The following POLR1A variants were observed in gnomAD, a reference collection of about 807,000 sequenced individuals.
The protein encoded by POLR1A is DNA-directed RNA polymerase I subunit RPA1.
Under a neutral mutation model 205.3 loss-of-function variants are expected in POLR1A, and 84 were observed. The ratio of observed to expected loss-of-function variants is 0.41; its 90% CI spans 0.34 to 0.49. The LOEUF (loss-of-function observed/expected upper bound fraction) is 0.49, where lower values mean the gene tolerates loss of function less well. POLR1A is among the 20% of genes least tolerant of loss of function. The pLI is 0.22. For synonymous variants in POLR1A, 799 were observed against 863.7 expected (o/e 0.93, Z 1.31); for missense variants, 1,645 against 2,204.5 (o/e 0.75, Z 5.08).
rs1442770279 is a variant in POLR1A at position 86,028,793 on chromosome 2, T to C, written c.4780-82A>G. 2 of 984,850 alleles carry C rather than the reference T, an allele frequency of 2.0e-6. No homozygotes were observed. Among genetic ancestry groups the C allele is most frequent in the Admixed American group, 2.0e-5 (1 of 51,250 alleles). The allele number at this position is 984,850 out of a possible 1,614,324, so 61.0% of individuals were successfully genotyped here. ...CCTGCGTATCTCCCCCTGGCCGCTCTCTCTCTCCTTGTGTCTGGCAGCTCG... is the reference window on the plus strand; with the variant it reads ...CCTGCGTATCTCCCCCTGGCCGCTCCCTCTCTCCTTGTGTCTGGCAGCTCG... On this transcript the variant is annotated intron_variant, in intron 31 of 33. Coordinates refer to ENST00000263857, the MANE Select transcript of POLR1A (RefSeq NM_015425.6). The surrounding 1 kb of genome is among the most constrained non-coding windows in gnomAD (Gnocchi z 4.5).
Position 86,067,911 on chromosome 2 carries a change from A to T in POLR1A, c.1866+2107T>A, listed in dbSNP as rs541687812. On this transcript the variant is annotated intron_variant, in intron 13 of 33. Coordinates refer to ENST00000263857, the MANE Select transcript of POLR1A (RefSeq NM_015425.6). ...TGAATGAAAGTACAGTGAATCTTCA[A>T]GCCATCTCCCATAAGCTTTTTTCAA... is the stretch of plus-strand genomic sequence containing the variant. Among the ~76,000 whole-genome samples, 4 of 152,352 alleles carry T rather than the reference A, an allele frequency of 2.6e-5. No homozygotes were observed. The East Asian group carries it at 7.7e-4, about 29-fold the overall frequency.
chr2:86,028,512 ACGGT>A lies in POLR1A; in HGVS notation c.4897+78_4897+81del. The A allele has an allele frequency of 1.1e-6, 1 of 948,278 alleles. No homozygotes were observed. Among genetic ancestry groups the A allele is most frequent in the Non-Finnish European group, 1.7e-6 (1 of 577,350 alleles). 58.7% of individuals were successfully genotyped at this position (948,278 alleles called of 1,614,324 possible). A position where few individuals can be genotyped will look rare whatever the true frequency, so the allele number is the denominator to read the frequency against. On this transcript the variant is annotated intron_variant, in intron 32 of 33. Transcript: ENST00000263857. This position sits in a 1 kb window ranked among gnomAD's most constrained non-coding sequence, Gnocchi z 4.5. ...TGGACTGACTCGGTGCTGGACCGAC[ACGGT>A]CCTGACCCTCCTGCCGAGCCTTCTG...
At position 86,032,232 on chromosome 2, in the gene POLR1A, C is replaced by G. The variant is rs773152808; in HGVS notation, c.4272+40G>C. 2.3e-6 allele frequency: 3 copies of G among 1,328,698 alleles called. No individual in the cohort carries two copies. The South Asian group carries it at 3.5e-5, about 16-fold the overall frequency. 82.3% of individuals were successfully genotyped at this position (1,328,698 alleles called of 1,614,324 possible). A position where few individuals can be genotyped will look rare whatever the true frequency, so the allele number is the denominator to read the frequency against. ...CCCTCCAGGTTAACAGGGAAGGGGGCTGGGACCACAGCTCCTTCACCCCAC... is the reference window on the plus strand; with the variant it reads ...CCCTCCAGGTTAACAGGGAAGGGGGGTGGGACCACAGCTCCTTCACCCCAC... On this transcript the variant is annotated intron_variant, in intron 29 of 33. Transcript: ENST00000263857.
At chr2:86,103,644 C>T (rs116274050) in intron 1 of POLR1A, among the ~76,000 whole-genome samples, 238 of 152,270 alleles carry the variant, frequency 1.6e-3, no homozygotes, top group African/African-American at 5.4e-3. Flanking sequence ...CACACTGTTA[C>T]CAATGATACC....
intron 19 of POLR1A, 51 bp from the exon 20 acceptor site, chr2:86,045,820 C>T (rs1434267696): frequency 2.0e-6 from 3 of 1,518,198 alleles, no homozygotes; most frequent in Non-Finnish European, 2.7e-6. Context: ...GTGTGTTTAA[C>T]AGTGCTTTGT....
At chr2:86,090,489 G>C (rs1467653308) in intron 3 of POLR1A, among the ~76,000 whole-genome samples, 1 of 151,938 alleles carries the variant, frequency 6.6e-6, no homozygotes, top group Non-Finnish European at 1.5e-5. Flanking sequence ...GCCAAGATAG[G>C]TTAAAATATT....
rs1333505142 is a variant in POLR1A at position 86,033,671 on chromosome 2, C to T, written c.4151G>A (p.Gly1384Glu). The T allele has an allele frequency of 6.2e-7, 1 of 1,613,354 alleles. No individual in the cohort carries two copies. Among genetic ancestry groups the T allele is most frequent in the South Asian group, 1.1e-5 (1 of 91,052 alleles). Residue 1384 changes from glycine (G) to glutamate (E), a missense_variant, in exon 28 of 34, where the codon GGG becomes GAG. Transcript: ENST00000263857. ...CGGGGACTCACTCACCCGACTCCTC[C>T]CCAACTCCCCAGCGTTGTCCAGATC... is the stretch of plus-strand genomic sequence containing the variant. ...QRDLDNAGEL[G>E]RSRGEQEGDE...
chr2:86,081,522 T>A, intron 8 of POLR1A, 79 bp downstream of exon 8: 1 of 882,000 alleles, frequency 1.1e-6, no homozygotes, highest in Non-Finnish European at 1.8e-6. Context: ...CCTTGGCCCT[T>A]TCACCTCTCC....
At position 86,084,647 on chromosome 2, in the gene POLR1A, C is replaced by T. The variant is rs908110481; in HGVS notation, c.731-1479G>A. 2.0e-5 allele frequency among the ~76,000 whole-genome samples: 3 copies of T among 150,350 alleles called. No individual in the cohort carries two copies. The Admixed American group carries it at 2.0e-4, about 10-fold the overall frequency. ...GCCTAAGATAGTCTACACTTAAAAA[C>T]ACCACTCTTGCCTTTTCCTTTTTTT... On this transcript the variant is annotated intron_variant, in intron 6 of 33. Coordinates refer to ENST00000263857, the MANE Select transcript of POLR1A (RefSeq NM_015425.6).
intron 14 of POLR1A, among the ~76,000 whole-genome samples, chr2:86,056,226 C>T (rs1220391350): frequency 1.3e-5 from 2 of 151,954 alleles, no homozygotes; most frequent in South Asian, 2.1e-4. Flanking sequence ...CCAAGGCAGG[C>T]GGATCACTTA....
intron 16 of POLR1A, among the ~76,000 whole-genome samples, chr2:86,050,803 G>C (rs1455947044): frequency 6.6e-6 from 1 of 152,156 alleles, no homozygotes; most frequent in Non-Finnish European, 1.5e-5. Flanking sequence ...ATTTCATGAG[G>C]TGTAGTCATC....
At position 86,078,268 on chromosome 2, in the gene POLR1A, A is replaced by G. The variant is rs933701245; in HGVS notation, c.1103T>C (p.Ile368Thr). ...PTTDEEKDSL[I>T]AIDRSFLSTL... ...ACTCAAAAAGGATCGGTCAATAGCA[A>G]TCAAAGAGTCTTTTTCCTGGAAGAT... is the stretch of plus-strand genomic sequence containing the variant. Residue 368 changes from isoleucine to threonine, a missense_variant, in exon 10 of 34, where the codon ATT becomes ACT. Physicochemically the swap from Ile to Thr is moderately conservative, Grantham distance 89. Coordinates refer to ENST00000263857, the MANE Select transcript of POLR1A (RefSeq NM_015425.6). 8 of 1,570,948 alleles carry G rather than the reference A, an allele frequency of 5.1e-6. No homozygotes were observed. The African/African-American group carries it at 6.9e-5, about 14-fold the overall frequency.
rs1672302366 is a variant in POLR1A, at chr2:86,027,972, G to A, written c.4975C>T (p.Arg1659Cys). Residue 1659 changes from arginine to cysteine, a missense_variant, in exon 33 of 34, where the codon CGC (arginine) becomes TGC (cysteine). Around this residue, in one of 16 missense-constraint regions of POLR1A, gnomAD observed 86 missense variants for 149.8 expected, o/e 0.57. Coordinates refer to ENST00000263857, the MANE Select transcript of POLR1A (RefSeq NM_015425.6). ...CFEGVYKPLNRFGIRSNSSPL... is the reference protein window; with the variant it reads ...CFEGVYKPLNCFGIRSNSSPL... ...GAAGAGTTTGACCGGATCCCAAAGC[G>A]ATTCAGTGGCTTGTAAACACCCTCG... is the stretch of plus-strand genomic sequence containing the variant. The A allele has an allele frequency of 6.2e-7, 1 of 1,614,208 alleles. No homozygotes were observed. Among genetic ancestry groups the A allele is most frequent in the Non-Finnish European group, 8.5e-7 (1 of 1,180,032 alleles).
chr2:86,025,739 G>A lies in POLR1A; in HGVS notation c.*1684C>T, dbSNP rs1161389768. ...CAGGTTACTTTGTGATCTCCTTCAA[G>A]GACACTCTCACAATTCTAGTGTGTG... On this transcript the variant is annotated 3_prime_UTR_variant, in exon 34 of 34. Transcript: ENST00000263857. 6.6e-6 allele frequency: 1 copy of A among 152,238 alleles called. No individual in the cohort carries two copies. Among genetic ancestry groups the A allele is most frequent in the Non-Finnish European group, 1.5e-5 (1 of 68,038 alleles). 9.4% of individuals were successfully genotyped at this position (152,238 alleles called of 1,614,324 possible).
chr2:86,029,583 G>A (rs944807964), intron 31 of POLR1A, among the ~76,000 whole-genome samples: 2 of 147,276 alleles, frequency 1.4e-5, no homozygotes, highest in Admixed American at 6.9e-5. Flanking sequence ...TACTTCGGGA[G>A]GGTCTTAATT....
intron 11 of POLR1A, among the ~76,000 whole-genome samples, chr2:86,077,640 G>A (rs770509954): frequency 1.3e-5 from 2 of 152,164 alleles, no homozygotes; most frequent in African/African-American, 2.4e-5. Flanking sequence ...AGCAAGGAGT[G>A]ACAGCAATGC....
chr2:86,038,875 G>A lies in POLR1A; in HGVS notation c.3877-18C>T. On this transcript the variant is annotated intron_variant, in intron 26 of 33. Transcript: ENST00000263857. The stretch of plus-strand genomic sequence containing the variant: ...TGCAACACCTGGAACCAGACGGACA[G>A]AGAGAACTTGACTTGTTCAGGTCCT... 1.9e-6 allele frequency: 3 copies of A among 1,613,344 alleles called. No homozygotes were observed. Among genetic ancestry groups the A allele is most frequent in the Middle Eastern group, 1.7e-4 (1 of 6,056 alleles).
chr2:86,057,941 A>T (rs1434563405), intron 14 of POLR1A, among the ~76,000 whole-genome samples: 1 of 144,192 alleles, frequency 6.9e-6, no homozygotes, highest in African/African-American at 2.6e-5. Flanking sequence ...ATGGTCCTTT[A>T]AAAAAAAAAG....
chr2:86,075,605 T>G (rs1399453049), intron 11 of POLR1A, among the ~76,000 whole-genome samples: 1 of 151,940 alleles, frequency 6.6e-6, no homozygotes, highest in African/African-American at 2.4e-5. Flanking sequence ...GCCTCCTGGG[T>G]TCAAGCAATT....
Sources: allele counts gnomAD v4.1 joint callset (sites outside exome capture counted in the v4.1 genomes callset), GRCh38; gene constraint gnomAD v4.1.1; regional missense constraint gnomAD v4.1.1; non-coding constraint Gnocchi (gnomAD v3.1); transcripts MANE v1.5; gene names NCBI Gene and HGNC (gene_info 2026-07-23, HGNC 2026-07-21).